The following RBFOX1 variants were observed in gnomAD, a reference collection of about 807,000 sequenced individuals.
RBFOX1 encodes RNA binding protein fox-1 homolog 1.
Under a neutral mutation model 57.7 loss-of-function variants are expected in RBFOX1, and 8 were observed. The observed-to-expected ratio is 0.14, with a 90% CI of 0.08 to 0.25. The LOEUF (loss-of-function observed/expected upper bound fraction) is 0.25, where lower values mean the gene tolerates loss of function less well. RBFOX1 is among the 10% of genes least tolerant of loss of function. The pLI, the probability that RBFOX1 is intolerant of heterozygous loss-of-function variation, is 1.00. For synonymous variants in RBFOX1, 326 were observed against 222.4 expected (o/e 1.47, Z -4.15); for missense variants, 611 against 548.5 (o/e 1.11, Z -1.14).
At chr16:7,204,797 A>C (rs73539653) in intron 4 of RBFOX1, among the ~76,000 whole-genome samples, 2,298 of 151,982 alleles carry the variant, frequency 0.015, 68 homozygotes, top group African/African-American at 0.052. Context: ...TTCTCCCTTA[A>C]TGCAAACTGA....
intron 3 of RBFOX1, among the ~76,000 whole-genome samples, chr16:7,020,380 C>T (rs1487818075): frequency 6.6e-6 from 1 of 151,956 alleles, no homozygotes; most frequent in African/African-American, 2.4e-5. Flanking sequence ...CTGCCATGCC[C>T]AGCTACTTTT....
intron 11 of RBFOX1, among the ~76,000 whole-genome samples, chr16:7,641,821 C>T (rs894232352): frequency 6.6e-6 from 1 of 152,162 alleles, no homozygotes; most frequent in African/African-American, 2.4e-5. Context: ...ATGTAAATAG[C>T]CATGACTACC....
At chr16:6,489,119 A>T (rs1448249005) in intron 2 of RBFOX1, among the ~76,000 whole-genome samples, 2 of 151,982 alleles carry the variant, frequency 1.3e-5, no homozygotes, top group African/African-American at 4.8e-5. Context: ...ATTTTTTTCC[A>T]ATTTACTTAC....
At chr16:5,293,677 C>G (rs981232231) in intron 1 of RBFOX1, among the ~76,000 whole-genome samples, 5 of 151,214 alleles carry the variant, frequency 3.3e-5, no homozygotes, top group Non-Finnish European at 5.9e-5. Context: ...TACATGATTC[C>G]ATTTATATGA....
At chr16:7,682,804 A>G (rs568269581) in intron 14 of RBFOX1, among the ~76,000 whole-genome samples, 2 of 150,212 alleles carry the variant, frequency 1.3e-5, no homozygotes, top group South Asian at 2.1e-4. Flanking sequence ...TTGTTCATTT[A>G]AAGTTTACTT....
chr16:7,011,356 G>C (rs929781362), intron 3 of RBFOX1, among the ~76,000 whole-genome samples: 6 of 152,150 alleles, frequency 3.9e-5, no homozygotes, highest in African/African-American at 1.2e-4. Flanking sequence ...AATTTGCCAA[G>C]GTCTTAAAGA....
intron 3 of RBFOX1, among the ~76,000 whole-genome samples, chr16:5,793,132 A>C (rs989750168): frequency 1.3e-5 from 2 of 152,126 alleles, no homozygotes; most frequent in Admixed American, 6.5e-5. Flanking sequence ...ACATGTCTCC[A>C]TGACTCCCTT....
At chr16:5,380,748 C>G (rs1179550078) in intron 1 of RBFOX1, among the ~76,000 whole-genome samples, 1 of 152,188 alleles carries the variant, frequency 6.6e-6, no homozygotes, top group Non-Finnish European at 1.5e-5. Flanking sequence ...GAGGTGAGAT[C>G]CAAACTCAGG....
intron 4 of RBFOX1, among the ~76,000 whole-genome samples, chr16:7,151,670 T>G (rs2076136239): frequency 6.6e-6 from 1 of 152,120 alleles, no homozygotes; most frequent in Non-Finnish European, 1.5e-5. Flanking sequence ...ATTATTACAT[T>G]GTAATATATA....
At chr16:5,762,071 G>C (rs1460538544) in intron 3 of RBFOX1, among the ~76,000 whole-genome samples, 2 of 152,116 alleles carry the variant, frequency 1.3e-5, no homozygotes, top group African/African-American at 4.8e-5. Flanking sequence ...AAATAAAAAT[G>C]GATCTATTGT....
At chr16:7,079,028 A>AT (rs2058749698) in intron 4 of RBFOX1, among the ~76,000 whole-genome samples, 1 of 151,620 alleles carries the variant, frequency 6.6e-6, no homozygotes, top group Non-Finnish European at 1.5e-5. Flanking sequence ...GGGTTTCAAA[A>AT]TATCTTTTTT....
chr16:6,250,917 T>G (rs2152945088), intron 1 of RBFOX1, among the ~76,000 whole-genome samples: 1 of 152,272 alleles, frequency 6.6e-6, no homozygotes, highest in East Asian at 1.9e-4. Flanking sequence ...ACCCTTCCAT[T>G]AGTGTAGATA....
intron 5 of RBFOX1, among the ~76,000 whole-genome samples, chr16:7,561,218 GT>G (rs2090266388): frequency 6.6e-6 from 1 of 152,188 alleles, no homozygotes; most frequent in Admixed American, 6.5e-5. Context: ...TACAAATAAA[GT>G]TTTATCAAAA....
chr16:6,938,643 T>A (rs2077780893), intron 3 of RBFOX1, among the ~76,000 whole-genome samples: 1 of 152,170 alleles, frequency 6.6e-6, no homozygotes, highest in South Asian at 2.1e-4. Flanking sequence ...CAATCTAGGT[T>A]AAAGGGCAGA....
chr16:5,255,951 A>G (rs2062581603), intron 1 of RBFOX1, among the ~76,000 whole-genome samples: 2 of 151,900 alleles, frequency 1.3e-5, no homozygotes, highest in South Asian at 2.1e-4. Context: ...AGTCTTGCAG[A>G]TATAGTGAGG....
chr16:6,853,470 G>A (rs2094177836), intron 3 of RBFOX1, among the ~76,000 whole-genome samples: 1 of 152,138 alleles, frequency 6.6e-6, no homozygotes, highest in Non-Finnish European at 1.5e-5. Context: ...CCTGATGGAG[G>A]ATGGTGCCTA....
chr16:6,656,040 G>A (rs1162107537), intron 3 of RBFOX1, among the ~76,000 whole-genome samples: 1 of 152,178 alleles, frequency 6.6e-6, no homozygotes, highest in East Asian at 1.9e-4. Flanking sequence ...GCTCTAGTTT[G>A]CTGGCAAAGG....
intron 3 of RBFOX1, among the ~76,000 whole-genome samples, chr16:6,950,974 C>T (rs1047791444): frequency 5.3e-5 from 8 of 151,642 alleles, no homozygotes; most frequent in Non-Finnish European, 1.2e-4. Flanking sequence ...GGCATGATCA[C>T]AGCTCATTGC....
At position 6,012,790 on chromosome 16, in the gene RBFOX1, G is replaced by A. The variant is rs538207962; in HGVS notation, c.351+145455G>A. On this transcript the variant is annotated intron_variant, in intron 4 of 19. Transcript: ENST00000641259. ...AATTTGTCCTCAGGCTCATTGCAAG[G>A]TACCTGTAGGGGGGTCCAGAGGTCA... Among the ~76,000 whole-genome samples the A allele has an allele frequency of 3.3e-5, 5 of 152,138 alleles. No individual in the cohort carries two copies. In the South Asian group the frequency reaches 8.3e-4, roughly 25 times the overall value.
Sources: gnomAD v4.1 joint callset for allele counts (sites outside exome capture counted in the v4.1 genomes callset) on GRCh38, gnomAD v4.1.1 for gene constraint, MANE v1.5 for transcripts, NCBI Gene and HGNC (gene_info 2026-07-23, HGNC 2026-07-21) for gene names.